The following ARHGAP15 variants were observed in gnomAD, a reference collection of about 807,000 sequenced individuals.
ARHGAP15 encodes Rho GTPase activating protein 15.
In ARHGAP15, 51 loss-of-function variants were observed where a neutral mutation model predicts 63.7. The ratio of observed to expected loss-of-function variants is 0.80; its 90% CI spans 0.64 to 1.01. ARHGAP15 has a LOEUF of 1.01. Among genes scored for constraint, ARHGAP15 ranks in the 50% least tolerant of loss-of-function variants. The pLI is 0.00. For missense variants in ARHGAP15, 560 were observed against 564.6 expected (o/e 0.99, Z 0.08); for synonymous variants, 191 against 193.8 (o/e 0.99, Z 0.12).
intron 11 of ARHGAP15, among the ~76,000 whole-genome samples, chr2:143,619,222 T>C (rs564052605): frequency 2.0e-5 from 3 of 152,214 alleles, no homozygotes; most frequent in Non-Finnish European, 4.4e-5. Flanking sequence ...AGAAAAATTA[T>C]TCCTAATAGC....
chr2:143,148,224 C>T (rs1689669216), intron 1 of ARHGAP15, among the ~76,000 whole-genome samples: 1 of 151,968 alleles, frequency 6.6e-6, no homozygotes, highest in Non-Finnish European at 1.5e-5. Flanking sequence ...AGCATCCAGG[C>T]CTCACATCAC....
chr2:143,339,844 A>G (rs1684975576), intron 6 of ARHGAP15, among the ~76,000 whole-genome samples: 1 of 152,202 alleles, frequency 6.6e-6, no homozygotes. Context: ...TATTTATAGT[A>G]TTGAAGCTAA....
intron 6 of ARHGAP15, among the ~76,000 whole-genome samples, chr2:143,416,402 A>G (rs1171325126): frequency 6.6e-6 from 1 of 152,200 alleles, no homozygotes; most frequent in Non-Finnish European, 1.5e-5. Flanking sequence ...CCTGCAAGCC[A>G]TAAAGAGGCA....
chr2:143,410,870 T>G (rs187574664), intron 6 of ARHGAP15, among the ~76,000 whole-genome samples: 39 of 151,062 alleles, frequency 2.6e-4, no homozygotes, highest in Non-Finnish European at 5.2e-4. Context: ...GGGATTTATA[T>G]GATCATGATA....
At chr2:143,221,676 T>C (rs1693002589) in intron 4 of ARHGAP15, among the ~76,000 whole-genome samples, 1 of 152,196 alleles carries the variant, frequency 6.6e-6, no homozygotes, top group South Asian at 2.1e-4. Context: ...CCACAAACTT[T>C]CTTCTCCCTC....
intron 12 of ARHGAP15, among the ~76,000 whole-genome samples, chr2:143,659,291 C>T (rs531252145): frequency 1.5e-4 from 23 of 152,084 alleles, no homozygotes; most frequent in East Asian, 5.8e-4. Context: ...ATCTAATATG[C>T]GGCATAGGGG....
chr2:143,351,629 T>C (rs936908067), intron 6 of ARHGAP15, among the ~76,000 whole-genome samples: 1 of 152,180 alleles, frequency 6.6e-6, no homozygotes, highest in Non-Finnish European at 1.5e-5. Context: ...ATGTCTATGG[T>C]AGTGGCCCGA....
chr2:143,525,961 A>G (rs987836176), intron 10 of ARHGAP15, among the ~76,000 whole-genome samples: 1 of 152,162 alleles, frequency 6.6e-6, no homozygotes, highest in African/African-American at 2.4e-5. Context: ...AGAGAAGACA[A>G]ACTAGTGAAA....
intron 9 of ARHGAP15, among the ~76,000 whole-genome samples, chr2:143,511,779 C>T (rs566027154): frequency 6.6e-6 from 1 of 152,220 alleles, no homozygotes; most frequent in African/African-American, 2.4e-5. Context: ...TTGAATTGTC[C>T]TCCTTGGTGT....
At position 143,147,841 on chromosome 2, in the gene ARHGAP15, G is replaced by T. The variant is rs917211396; in HGVS notation, c.-14-7636G>T. On this transcript the variant is annotated intron_variant, in intron 1 of 13. Transcript: ENST00000295095. ...TTCATAAGATTAATGTTTACAAATA[G>T]ATACTGTAATATTTATTCTGTTTTA... 7.2e-5 allele frequency among the ~76,000 whole-genome samples: 11 copies of T among 152,094 alleles called. No individual in the cohort carries two copies. The South Asian group carries it at 2.3e-3, about 32-fold the overall frequency.
chr2:143,520,636 CATTTA>C (rs1348478728), intron 10 of ARHGAP15, among the ~76,000 whole-genome samples: 3 of 152,122 alleles, frequency 2.0e-5, no homozygotes, highest in Non-Finnish European at 4.4e-5. Context: ...GTTGCAATTT[CATTTA>C]ATTTTATAAG....
intron 2 of ARHGAP15, among the ~76,000 whole-genome samples, chr2:143,165,034 C>T (rs1011313124): frequency 6.6e-6 from 1 of 151,976 alleles, no homozygotes; most frequent in African/African-American, 2.4e-5. Context: ...GCTTTTACTT[C>T]CTAAATCAAG....
chr2:143,353,210 G>A (rs937235263), intron 6 of ARHGAP15, among the ~76,000 whole-genome samples: 22 of 152,164 alleles, frequency 1.4e-4, no homozygotes, highest in Admixed American at 1.4e-3. Context: ...AGGATTGTAG[G>A]GCCCAAGAGT....
chr2:143,413,119 C>CT (rs1387352789), intron 6 of ARHGAP15, among the ~76,000 whole-genome samples: 1 of 152,092 alleles, frequency 6.6e-6, no homozygotes, highest in Non-Finnish European at 1.5e-5. Flanking sequence ...TATTAAAAAT[C>CT]TTTTTGAATC....
At chr2:143,381,413 C>T (rs946199733) in intron 6 of ARHGAP15, among the ~76,000 whole-genome samples, 4 of 152,040 alleles carry the variant, frequency 2.6e-5, no homozygotes, top group African/African-American at 9.7e-5. Context: ...TTGCAGTTGG[C>T]ACTGATTCTT....
At chr2:143,678,410 A>G (rs1360041789) in intron 12 of ARHGAP15, among the ~76,000 whole-genome samples, 1 of 152,254 alleles carries the variant, frequency 6.6e-6, no homozygotes, top group Non-Finnish European at 1.5e-5. Flanking sequence ...AAAAACAAAC[A>G]TTCCTTAGAG....
At chr2:143,570,960 C>T (rs1696424763) in intron 11 of ARHGAP15, among the ~76,000 whole-genome samples, 1 of 152,176 alleles carries the variant, frequency 6.6e-6, no homozygotes, top group South Asian at 2.1e-4. Context: ...AGGAACCTGG[C>T]AGCACAGTAG....
intron 6 of ARHGAP15, among the ~76,000 whole-genome samples, chr2:143,433,443 T>A (rs1689473297): frequency 6.6e-6 from 1 of 152,128 alleles, no homozygotes; most frequent in Admixed American, 6.6e-5. Context: ...TGCATTCATA[T>A]AGCTCTCTGA....
At chr2:143,696,187 A>C (rs1683837735) in intron 12 of ARHGAP15, among the ~76,000 whole-genome samples, 1 of 152,036 alleles carries the variant, frequency 6.6e-6, no homozygotes, top group Non-Finnish European at 1.5e-5. Context: ...TAGAAGAAAG[A>C]CATAAACTTC....
Sources: gnomAD v4.1 joint callset for allele counts (sites outside exome capture counted in the v4.1 genomes callset) on GRCh38, gnomAD v4.1.1 for gene constraint, MANE v1.5 for transcripts, NCBI Gene and HGNC (gene_info 2026-07-23, HGNC 2026-07-21) for gene names.